PTPRD: variants seen among roughly 807,000 people sequenced by gnomAD.
The protein encoded by PTPRD is protein tyrosine phosphatase receptor type D, also known as receptor-type tyrosine-protein phosphatase delta.
PTPRD carries 34 observed loss-of-function variants against 214.5 expected under a neutral mutation model. The ratio of observed to expected loss-of-function variants is 0.16; its 90% CI spans 0.12 to 0.21. The LOEUF (loss-of-function observed/expected upper bound fraction) is 0.21, where lower values mean the gene tolerates loss of function less well. Ranked by LOEUF, PTPRD falls within the 10% of genes least tolerant of loss-of-function variation. PTPRD has a pLI of 1.00. For synonymous variants in PTPRD, 1,128 were observed against 845.7 expected (o/e 1.33, Z -5.79); for missense variants, 2,545 against 2,398.7 (o/e 1.06, Z -1.27).
At chr9:8,608,814 C>T (rs2095337002) in intron 14 of PTPRD, among the ~76,000 whole-genome samples, 1 of 152,138 alleles carries the variant, frequency 6.6e-6, no homozygotes, top group South Asian at 2.1e-4. Context: ...GGAAATTTCT[C>T]TTCAGGGATC....
At chr9:8,436,858 T>C (rs1278355951) in intron 34 of PTPRD, among the ~76,000 whole-genome samples, 169 bp from the exon 35 acceptor site, 1 of 152,202 alleles carries the variant, frequency 6.6e-6, no homozygotes, top group Non-Finnish European at 1.5e-5. Context: ...AAGCAGGACA[T>C]GCTCTGGGAA....
intron 12 of PTPRD, among the ~76,000 whole-genome samples, chr9:8,654,972 A>C (rs181897367): frequency 1.5e-3 from 229 of 152,248 alleles, no homozygotes; most frequent in African/African-American, 5.2e-3. Context: ...TTTTTTCATA[A>C]GAAAAACAAT....
chr9:8,680,687 C>T (rs761049389), intron 12 of PTPRD, among the ~76,000 whole-genome samples: 6 of 152,002 alleles, frequency 3.9e-5, no homozygotes, highest in African/African-American at 9.7e-5. Context: ...TACATAAACA[C>T]ACATACACAC....
At chr9:9,616,507 T>C (rs1375463984) in intron 7 of PTPRD, among the ~76,000 whole-genome samples, 1 of 151,962 alleles carries the variant, frequency 6.6e-6, no homozygotes, top group Non-Finnish European at 1.5e-5. Context: ...CTAAGTTTTC[T>C]CATAGACACG....
At chr9:9,514,043 G>A (rs907130208) in intron 8 of PTPRD, among the ~76,000 whole-genome samples, 31 of 152,130 alleles carry the variant, frequency 2.0e-4, no homozygotes, top group African/African-American at 6.5e-4. Context: ...TATCAAGTCC[G>A]AATCTGTGCT....
chr9:10,018,210 T>G (rs1220523612), intron 4 of PTPRD, among the ~76,000 whole-genome samples: 3 of 148,594 alleles, frequency 2.0e-5, no homozygotes, highest in Non-Finnish European at 4.5e-5. Flanking sequence ...AGAGAAGGAG[T>G]AGGAGGAAGG....
At chr9:10,357,849 G>A (rs924952797) in intron 2 of PTPRD, among the ~76,000 whole-genome samples, 3 of 152,176 alleles carry the variant, frequency 2.0e-5, no homozygotes, top group East Asian at 1.9e-4. Flanking sequence ...AAACCCATGA[G>A]GTCACTGGGG....
chr9:9,371,608 C>T (rs1457517149), intron 9 of PTPRD, among the ~76,000 whole-genome samples: 3 of 152,080 alleles, frequency 2.0e-5, no homozygotes, highest in Admixed American at 6.6e-5. Flanking sequence ...GTGTCTCTAT[C>T]TCCTTCAGTT....
chr9:8,913,969 T>G (rs2154263422), intron 11 of PTPRD, among the ~76,000 whole-genome samples: 1 of 152,212 alleles, frequency 6.6e-6, no homozygotes, highest in Non-Finnish European at 1.5e-5. Context: ...AATGCAATGG[T>G]GAGTGAAAAG....
intron 11 of PTPRD, among the ~76,000 whole-genome samples, chr9:8,759,988 C>A (rs1423993042): frequency 1.3e-5 from 2 of 152,224 alleles, no homozygotes; most frequent in Admixed American, 1.3e-4. Context: ...CTTCTCCCTA[C>A]TAATCAGGAG....
At chr9:10,128,324 C>T (rs1591851525) in intron 3 of PTPRD, among the ~76,000 whole-genome samples, 1 of 152,108 alleles carries the variant, frequency 6.6e-6, no homozygotes, top group Admixed American at 6.6e-5. Flanking sequence ...AGTGATGGGA[C>T]TCAAATCCAA....
chr9:9,016,177 C>A (rs1385990650), intron 11 of PTPRD, among the ~76,000 whole-genome samples: 1 of 152,150 alleles, frequency 6.6e-6, no homozygotes, highest in Non-Finnish European at 1.5e-5. Context: ...AGCGAAATTG[C>A]TTTTCCTCTC....
intron 4 of PTPRD, among the ~76,000 whole-genome samples, chr9:10,002,493 A>G (rs919008927): frequency 6.6e-6 from 1 of 151,088 alleles, no homozygotes; most frequent in African/African-American, 2.4e-5. Context: ...GGATGATAAG[A>G]TACATGTCAT....
intron 9 of PTPRD, among the ~76,000 whole-genome samples, chr9:9,231,339 A>G (rs563081868): frequency 1.3e-4 from 20 of 152,274 alleles, no homozygotes; most frequent in Middle Eastern, 3.4e-3. Context: ...TAGAAATACA[A>G]TACTCTCTTG....
chr9:10,142,446 C>T (rs1218959351), intron 3 of PTPRD, among the ~76,000 whole-genome samples: 1 of 152,020 alleles, frequency 6.6e-6, no homozygotes, highest in Non-Finnish European at 1.5e-5. Context: ...CAAACAACTC[C>T]ATCAAAAAGT....
chr9:9,578,855 GTC>G (rs2089879809), intron 7 of PTPRD, among the ~76,000 whole-genome samples: 1 of 152,016 alleles, frequency 6.6e-6, no homozygotes, highest in Non-Finnish European at 1.5e-5. Flanking sequence ...TCCCAGTTAA[GTC>G]ACATACCAGG....
chr9:10,395,945 T>A (rs924001871), intron 2 of PTPRD, among the ~76,000 whole-genome samples: 1 of 138,276 alleles, frequency 7.2e-6, no homozygotes, highest in Non-Finnish European at 1.5e-5. Context: ...CAGAGGGACA[T>A]AGAGAGAATG....
chr9:8,713,086 T>C (rs75224924), intron 12 of PTPRD, among the ~76,000 whole-genome samples: 1,789 of 152,284 alleles, frequency 0.012, 22 homozygotes, highest in Middle Eastern at 0.061. Flanking sequence ...TGTGTGCTTT[T>C]TATTTATAAA....
At chr9:9,349,574 T>C (rs1171933022) in intron 9 of PTPRD, among the ~76,000 whole-genome samples, 1 of 142,592 alleles carries the variant, frequency 7.0e-6, no homozygotes, top group Admixed American at 7.4e-5. Flanking sequence ...AAATTGGATT[T>C]TTTTCATTTC....
Sources: allele counts gnomAD v4.1 joint callset (sites outside exome capture counted in the v4.1 genomes callset), GRCh38; gene constraint gnomAD v4.1.1; transcripts MANE v1.5; gene names NCBI Gene and HGNC (gene_info 2026-07-23, HGNC 2026-07-21).